Variants in RFX3 observed in about 807,000 individuals in gnomAD.
RFX3 encodes transcription factor RFX3.
In RFX3, 14 loss-of-function variants were observed where a neutral mutation model predicts 98.6. The observed-to-expected ratio is 0.14, with a 90% CI of 0.09 to 0.22. The LOEUF is 0.22. Among genes scored for constraint, RFX3 ranks in the 10% least tolerant of loss-of-function variants. The pLI is 1.00. For missense variants in RFX3, 639 were observed against 926.9 expected (o/e 0.69, Z 4.03); for synonymous variants, 383 against 328.4 (o/e 1.17, Z -1.80).
At chr9:3,394,652 C>G (rs1348787166) in intron 2 of RFX3, 7 of 168,638 alleles carry the variant, frequency 4.2e-5, no homozygotes, top group Non-Finnish European at 8.4e-5. Context: ...ATATCCTTCT[C>G]CCTAACCACT....
At chr9:3,370,095 C>A (rs1478788644) in intron 2 of RFX3, among the ~76,000 whole-genome samples, 1 of 150,828 alleles carries the variant, frequency 6.6e-6, no homozygotes, top group Non-Finnish European at 1.5e-5. Context: ...CCCGCCTCGG[C>A]CTCCCAGAGT....
chr9:3,369,743 A>G (rs1164168818), intron 2 of RFX3, among the ~76,000 whole-genome samples: 2 of 152,250 alleles, frequency 1.3e-5, no homozygotes, highest in African/African-American at 4.8e-5. Flanking sequence ...ATGACTAAAG[A>G]AATGGATCAC....
intron 5 of RFX3, among the ~76,000 whole-genome samples, chr9:3,295,716 A>G (rs1164945088): frequency 6.6e-6 from 1 of 152,124 alleles, no homozygotes; most frequent in East Asian, 1.9e-4. Flanking sequence ...GTATAATAGC[A>G]TGATTTGTTC....
chr9:3,513,882 C>G (rs1393275228), intron 1 of RFX3, among the ~76,000 whole-genome samples: 2 of 152,112 alleles, frequency 1.3e-5, no homozygotes, highest in African/African-American at 4.8e-5. Flanking sequence ...AAATATAAAC[C>G]CACAACTACT....
Position 3,254,473 on chromosome 9 carries a change from G to A in RFX3, c.1814+2518C>T, listed in dbSNP as rs141179438. 1.4e-3 allele frequency among the ~76,000 whole-genome samples: 215 copies of A among 151,968 alleles called. 1 individual carries two copies. Among genetic ancestry groups the A allele is most frequent in the Non-Finnish European group, 7.1e-4 (48 of 67,968 alleles). ...TTCATGGAGCACATATACCACTTAC[G>A]TTGTTATCTGGGAAAAAACTTGATG... On this transcript the variant is annotated intron_variant, in intron 14 of 16. Transcript: ENST00000617270.
At chr9:3,428,999 A>G (rs1485697078) in intron 1 of RFX3, among the ~76,000 whole-genome samples, 1 of 151,664 alleles carries the variant, frequency 6.6e-6, no homozygotes, top group Non-Finnish European at 1.5e-5. Flanking sequence ...TTTCTTTAAA[A>G]CATTTCTTTT....
chr9:3,351,034 T>C (rs1479924632), intron 2 of RFX3, among the ~76,000 whole-genome samples: 1 of 151,950 alleles, frequency 6.6e-6, no homozygotes, highest in African/African-American at 2.4e-5. Context: ...CATTATACAT[T>C]TGTTCAAAAC....
At chr9:3,506,768 G>A (rs964137306) in intron 1 of RFX3, among the ~76,000 whole-genome samples, 1 of 151,568 alleles carries the variant, frequency 6.6e-6, no homozygotes, top group African/African-American at 2.4e-5. Flanking sequence ...AGAAGAAAAA[G>A]ACCTGGATTA....
intron 4 of RFX3, among the ~76,000 whole-genome samples, chr9:3,316,872 C>A (rs1830668535): frequency 6.6e-6 from 1 of 152,092 alleles, no homozygotes; most frequent in Non-Finnish European, 1.5e-5. Context: ...TAAAAGAAGA[C>A]ACAAATAAAT....
intron 6 of RFX3, among the ~76,000 whole-genome samples, chr9:3,291,645 T>C (rs944722381): frequency 1.3e-5 from 2 of 152,102 alleles, no homozygotes; most frequent in African/African-American, 2.4e-5. Flanking sequence ...TTTGTATCCT[T>C]TTCTGTTGTT....
intron 1 of RFX3, among the ~76,000 whole-genome samples, chr9:3,505,179 A>C (rs868767218): frequency 1.2e-5 from 1 of 81,136 alleles, no homozygotes; most frequent in African/African-American, 5.7e-5. Flanking sequence ...TATTCATATA[A>C]ATATATATAT....
At chr9:3,373,546 G>T (rs147881278) in intron 2 of RFX3, among the ~76,000 whole-genome samples, 1 of 152,074 alleles carries the variant, frequency 6.6e-6, no homozygotes, top group South Asian at 2.1e-4. Context: ...AGTTTCCTCA[G>T]CCTTAAAATA....
At position 3,466,893 on chromosome 9, in the gene RFX3, C is replaced by A. The variant is rs555942735; in HGVS notation, c.-9+58854G>T. Among the ~76,000 whole-genome samples, 8 of 151,522 alleles carry A rather than the reference C, an allele frequency of 5.3e-5. 1 individual carries two copies. In the South Asian group the frequency reaches 1.7e-3, roughly 32 times the overall value. On this transcript the variant is annotated intron_variant, in intron 1 of 16. Transcript: ENST00000617270. ...TTTATTTACAAATACTTATCATTTT[C>A]TGTCTAGACTTAAAGCTTAGACACC...
intron 1 of RFX3, among the ~76,000 whole-genome samples, chr9:3,519,100 C>A (rs540008074): frequency 7.2e-5 from 11 of 152,066 alleles, no homozygotes; most frequent in Non-Finnish European, 1.5e-4. Context: ...ATAAGTGGGA[C>A]AATGAACTGG....
intron 1 of RFX3, among the ~76,000 whole-genome samples, chr9:3,397,614 G>T (rs755021048): frequency 6.6e-5 from 10 of 152,168 alleles, no homozygotes; most frequent in Non-Finnish European, 7.3e-5. Context: ...AAGGTGACAG[G>T]AGTAGACTTG....
intron 1 of RFX3, among the ~76,000 whole-genome samples, chr9:3,422,891 T>G (rs886474393): frequency 6.6e-6 from 1 of 152,132 alleles, no homozygotes; most frequent in Non-Finnish European, 1.5e-5. Flanking sequence ...ATCTGGACTG[T>G]GACAATGGAG....
chr9:3,515,604 T>C (rs1352651150), intron 1 of RFX3, among the ~76,000 whole-genome samples: 1 of 152,162 alleles, frequency 6.6e-6, no homozygotes, highest in Admixed American at 6.5e-5. Flanking sequence ...TGTATCTGCT[T>C]TTCCTGCCCT....
At chr9:3,425,070 A>C (rs893470444) in intron 1 of RFX3, among the ~76,000 whole-genome samples, 6 of 152,122 alleles carry the variant, frequency 3.9e-5, no homozygotes, top group Non-Finnish European at 7.4e-5. Flanking sequence ...CTCTACAAAA[A>C]ATCTAAAAAT....
At chr9:3,342,922 TAATTA>T (rs1416342495) in intron 3 of RFX3, among the ~76,000 whole-genome samples, 3 of 152,204 alleles carry the variant, frequency 2.0e-5, no homozygotes, top group Non-Finnish European at 4.4e-5. Context: ...GGGGCAAAAG[TAATTA>T]AATTACCTTC....
Sources: gnomAD v4.1 joint callset for allele counts (sites outside exome capture counted in the v4.1 genomes callset) on GRCh38, gnomAD v4.1.1 for gene constraint, MANE v1.5 for transcripts, NCBI Gene and HGNC (gene_info 2026-07-23, HGNC 2026-07-21) for gene names.